CAMK1D: variants seen among roughly 807,000 people sequenced by gnomAD.
CAMK1D encodes calcium/calmodulin-dependent protein kinase type 1D.
CAMK1D carries 9 observed loss-of-function variants against 47.7 expected under a neutral mutation model. The ratio of observed to expected loss-of-function variants is 0.19; its 90% CI spans 0.11 to 0.33. The LOEUF is 0.33. CAMK1D is among the 10% of genes least tolerant of loss of function. The pLI is 1.00. For missense variants in CAMK1D, 291 were observed against 488.7 expected (o/e 0.60, Z 3.81); for synonymous variants, 184 against 184.9 (o/e 0.99, Z 0.04).
At chr10:12,555,761 C>T (rs865884299) in intron 2 of CAMK1D, among the ~76,000 whole-genome samples, 1 of 152,076 alleles carries the variant, frequency 6.6e-6, no homozygotes, top group African/African-American at 2.4e-5. Flanking sequence ...GTTGATGGAT[C>T]GAGGGTGATG....
At chr10:12,393,484 G>A (rs1018815069) in intron 1 of CAMK1D, among the ~76,000 whole-genome samples, 2 of 152,232 alleles carry the variant, frequency 1.3e-5, no homozygotes, top group African/African-American at 4.8e-5. Flanking sequence ...CGTTTTAGAT[G>A]TGTGTTACCA....
chr10:12,808,400 A>G (rs1386912670), intron 6 of CAMK1D, among the ~76,000 whole-genome samples: 1 of 152,220 alleles, frequency 6.6e-6, no homozygotes, highest in Non-Finnish European at 1.5e-5. Context: ...CAAATACTTG[A>G]CGTGTGAGTG....
intron 2 of CAMK1D, among the ~76,000 whole-genome samples, chr10:12,651,783 CT>C (rs879916950): frequency 8.5e-4 from 123 of 144,678 alleles, no homozygotes; most frequent in South Asian, 1.1e-3. Flanking sequence ...TTGGAAATAA[CT>C]TTTTTTTTTT....
At chr10:12,781,193 T>A (rs1177052519) in intron 5 of CAMK1D, among the ~76,000 whole-genome samples, 3 of 152,000 alleles carry the variant, frequency 2.0e-5, no homozygotes, top group Non-Finnish European at 4.4e-5. Flanking sequence ...CTCCATTTGT[T>A]CTTTGTCATG....
At chr10:12,449,919 A>T (rs7091239) in intron 1 of CAMK1D, among the ~76,000 whole-genome samples, 43,845 of 151,996 alleles carry the variant, frequency 0.29, 6,519 homozygotes, top group African/African-American at 0.36. Flanking sequence ...GAATCGCTTG[A>T]CTTGGGAGGC....
At chr10:12,453,819 AGTT>A (rs1373769982) in intron 1 of CAMK1D, among the ~76,000 whole-genome samples, 1 of 152,134 alleles carries the variant, frequency 6.6e-6, no homozygotes, top group Admixed American at 6.6e-5. Context: ...TTTTGTTCTG[AGTT>A]GTTAATTTTT....
intron 10 of CAMK1D, among the ~76,000 whole-genome samples, chr10:12,826,305 A>C (rs1644391): frequency 0.3 from 45,155 of 151,902 alleles, 6,814 homozygotes; most frequent in South Asian, 0.45. Flanking sequence ...CTCATTGTAC[A>C]GTCACTCTTG....
At chr10:12,605,275 G>A (rs1433370541) in intron 2 of CAMK1D, among the ~76,000 whole-genome samples, 2 of 151,804 alleles carry the variant, frequency 1.3e-5, no homozygotes, top group East Asian at 3.9e-4. Flanking sequence ...CTAGGTCAGG[G>A]CACCTCCCTG....
chr10:12,467,450 G>T (rs1174948544), intron 1 of CAMK1D, among the ~76,000 whole-genome samples: 1 of 152,128 alleles, frequency 6.6e-6, no homozygotes, highest in Non-Finnish European at 1.5e-5. Context: ...ACTGCGCCCA[G>T]TCACTCTCAT....
intron 3 of CAMK1D, among the ~76,000 whole-genome samples, chr10:12,756,642 C>G (rs1268617558): frequency 1.3e-5 from 2 of 152,146 alleles, no homozygotes; most frequent in Non-Finnish European, 2.9e-5. Context: ...ACTGAACAAA[C>G]ACAGCTGGGC....
chr10:12,553,402 CGT>C (rs774085044), intron 2 of CAMK1D, 46 bp downstream of exon 2: 2 of 1,498,078 alleles, frequency 1.3e-6, no homozygotes, highest in Admixed American at 3.3e-5. Flanking sequence ...CCTCCTGGCC[CGT>C]GTGTCCTGCA....
At chr10:12,602,161 C>G (rs184354589) in intron 2 of CAMK1D, among the ~76,000 whole-genome samples, 10 of 152,356 alleles carry the variant, frequency 6.6e-5, no homozygotes, top group Admixed American at 6.5e-4. Flanking sequence ...AGTTTGATTA[C>G]AGGAAAGTAA....
intron 8 of CAMK1D, among the ~76,000 whole-genome samples, chr10:12,817,687 ATTGTT>A (rs1019944085): frequency 3.9e-5 from 6 of 151,904 alleles, no homozygotes; most frequent in African/African-American, 1.4e-4. Context: ...AATTGTAGCT[ATTGTT>A]TTGTTTTGTT....
intron 1 of CAMK1D, among the ~76,000 whole-genome samples, chr10:12,435,586 C>G (rs1334982526): frequency 2.0e-5 from 3 of 152,196 alleles, no homozygotes; most frequent in Non-Finnish European, 4.4e-5. Context: ...GAGACGTGCT[C>G]TGTGCCCAGC....
chr10:12,755,991 C>T (rs1010664615), intron 3 of CAMK1D, among the ~76,000 whole-genome samples: 4 of 152,204 alleles, frequency 2.6e-5, no homozygotes, highest in Non-Finnish European at 5.9e-5. Flanking sequence ...TGTCGTAGGG[C>T]AGCCTTTGTG....
chr10:12,471,491 T>C (rs1833745439), intron 1 of CAMK1D, among the ~76,000 whole-genome samples: 1 of 152,188 alleles, frequency 6.6e-6, no homozygotes, highest in Admixed American at 6.5e-5. Flanking sequence ...GTCCTTTGAC[T>C]AGAGCTCAGC....
chr10:12,595,795 A>G (rs570381681), intron 2 of CAMK1D, among the ~76,000 whole-genome samples: 15 of 152,268 alleles, frequency 9.9e-5, no homozygotes, highest in African/African-American at 3.1e-4. Flanking sequence ...CCACAGAAGA[A>G]AGGGGAAAGT....
Position 12,448,542 on chromosome 10 carries a change from G to T in CAMK1D, c.92+98632G>T, listed in dbSNP as rs557421663. ...AAACTGTAGAGCCGTGTGGATTCTT[G>T]CCTGGGTTTGTTTAGAGATACTACG... On this transcript the variant is annotated intron_variant, in intron 1 of 10. Transcript: ENST00000619168. 5.9e-5 allele frequency among the ~76,000 whole-genome samples: 9 copies of T among 152,180 alleles called. No individual in the cohort carries two copies. In the South Asian group the frequency reaches 1.9e-3, roughly 32 times the overall value.
At chr10:12,392,310 A>T (rs575223564) in intron 1 of CAMK1D, among the ~76,000 whole-genome samples, 1 of 152,252 alleles carries the variant, frequency 6.6e-6, no homozygotes, top group Non-Finnish European at 1.5e-5. Context: ...TCAAAAAAAC[A>T]AAACAAAATC....
Sources: allele counts gnomAD v4.1 joint callset (sites outside exome capture counted in the v4.1 genomes callset), GRCh38; gene constraint gnomAD v4.1.1; transcripts MANE v1.5; gene names NCBI Gene and HGNC (gene_info 2026-07-23, HGNC 2026-07-21).